Variants in MVB12B observed in about 807,000 individuals in gnomAD.
MVB12B encodes the protein ESCRT-I complex subunit MVB12B.
Under a neutral mutation model 41.6 loss-of-function variants are expected in MVB12B, and 16 were observed. The observed-to-expected ratio is 0.38, with a 90% CI of 0.26 to 0.58. MVB12B has a LOEUF of 0.58. Ranked by LOEUF, MVB12B falls within the 20% of genes least tolerant of loss-of-function variation. The probability of loss-of-function intolerance (pLI) is 0.62; values close to 1 mark genes in which losing one functional copy is unlikely to be tolerated. For missense variants in MVB12B, 274 were observed against 380.2 expected (o/e 0.72, Z 2.32); for synonymous variants, 133 against 139.7 (o/e 0.95, Z 0.34).
chr9:126,487,334 C>T (rs1196963459), intron 9 of MVB12B, among the ~76,000 whole-genome samples: 7 of 152,208 alleles, frequency 4.6e-5, no homozygotes, highest in Non-Finnish European at 1.0e-4. Context: ...TCTCCTTGTC[C>T]ACAGAGAAGG....
At chr9:126,429,954 C>A (rs917272194) in intron 7 of MVB12B, among the ~76,000 whole-genome samples, 2 of 152,188 alleles carry the variant, frequency 1.3e-5, no homozygotes, top group Non-Finnish European at 2.9e-5. Flanking sequence ...AGGTCCTCTG[C>A]AGCTGAGTGT....
intron 9 of MVB12B, among the ~76,000 whole-genome samples, chr9:126,489,710 TC>T (rs1222535785): frequency 3.3e-5 from 5 of 152,324 alleles, no homozygotes; most frequent in African/African-American, 1.2e-4. Context: ...CTGGCCATCT[TC>T]CAGCAGCCAT....
chr9:126,489,121 C>G (rs1833680270), intron 9 of MVB12B, among the ~76,000 whole-genome samples: 1 of 152,192 alleles, frequency 6.6e-6, no homozygotes, highest in Admixed American at 6.5e-5. Context: ...GCTCCTGGGC[C>G]CGGACAGCCA....
At chr9:126,477,751 C>T (rs1479956831) in intron 7 of MVB12B, among the ~76,000 whole-genome samples, 11 of 152,174 alleles carry the variant, frequency 7.2e-5, no homozygotes, top group South Asian at 2.1e-4. Context: ...GATATTTGGG[C>T]GGGGACATAG....
At chr9:126,462,399 G>A (rs565702062) in intron 7 of MVB12B, among the ~76,000 whole-genome samples, 6 of 152,210 alleles carry the variant, frequency 3.9e-5, no homozygotes, top group Admixed American at 2.6e-4. Flanking sequence ...CCCTGGCAGC[G>A]GCCATTCCAA....
At chr9:126,484,147 C>T (rs991275716) in intron 9 of MVB12B, 115 bp downstream of exon 9, 8 of 946,016 alleles carry the variant, frequency 8.5e-6, no homozygotes, top group Admixed American at 2.3e-5. Context: ...GGAGGTGTTC[C>T]GTTCTCTTCT....
chr9:126,377,036 C>T lies in MVB12B; in HGVS notation c.205-4028C>T, dbSNP rs752688348. 6.6e-5 allele frequency among the ~76,000 whole-genome samples: 10 copies of T among 152,080 alleles called. No individual in the cohort carries two copies. The South Asian group carries it at 1.5e-3, about 22-fold the overall frequency. ...CACACTTGCTAAATCCCTTGCCCTC[C>T]GCCTTCTGCAGTGCCAGGCCTTTGT... On this transcript the variant is annotated intron_variant, in intron 2 of 9. Coordinates refer to ENST00000361171, the MANE Select transcript of MVB12B (RefSeq NM_033446.3).
chr9:126,369,924 A>G (rs921792663), intron 2 of MVB12B, among the ~76,000 whole-genome samples: 6 of 152,064 alleles, frequency 3.9e-5, no homozygotes, highest in African/African-American at 1.4e-4. Context: ...AAGTGCTGGG[A>G]TTACAGGTGT....
intron 6 of MVB12B, chr9:126,396,921 GT>G: frequency 1.0e-6 from 1 of 985,544 alleles, no homozygotes; most frequent in African/African-American, 1.7e-5. Context: ...ATCAGCACTT[GT>G]TCCTCACTTC....
chr9:126,421,788 C>A, intron 6 of MVB12B, 66 bp from the exon 7 acceptor site: 1 of 1,230,370 alleles, frequency 8.1e-7, no homozygotes, highest in Non-Finnish European at 1.2e-6. Flanking sequence ...TTGATGGCGT[C>A]AGTGCTTCCT....
At chr9:126,331,898 CG>C (rs1829141164) in intron 1 of MVB12B, among the ~76,000 whole-genome samples, 1 of 152,200 alleles carries the variant, frequency 6.6e-6, no homozygotes, top group Non-Finnish European at 1.5e-5. Context: ...GAAGTATGAA[CG>C]GAAGGCCTGG....
chr9:126,366,577 T>G (rs1332225873), intron 2 of MVB12B, among the ~76,000 whole-genome samples: 2 of 152,244 alleles, frequency 1.3e-5, no homozygotes, highest in East Asian at 3.9e-4. Context: ...CATATTTTCT[T>G]ATTGTATTTT....
At chr9:126,411,022 G>A (rs1322203538) in intron 6 of MVB12B, among the ~76,000 whole-genome samples, 2 of 151,748 alleles carry the variant, frequency 1.3e-5, no homozygotes, top group East Asian at 1.9e-4. Context: ...TGAGTAGCTG[G>A]GATTACAGGC....
chr9:126,478,221 C>T lies in MVB12B; in HGVS notation c.758-3148C>T, dbSNP rs928674949. 4.6e-5 allele frequency among the ~76,000 whole-genome samples: 7 copies of T among 152,178 alleles called. No individual in the cohort carries two copies. The highest frequency in any genetic ancestry group is 1.2e-4 in the African/African-American group (5 of 41,430). ...CTTCCTAGTTCCTAGAAGTGATTCCCAGGCTTCTTCCATCCATGGCTTTCA... is the reference window on the plus strand; with the variant it reads ...CTTCCTAGTTCCTAGAAGTGATTCCTAGGCTTCTTCCATCCATGGCTTTCA... On this transcript the variant is annotated intron_variant, in intron 7 of 9. Coordinates refer to ENST00000361171, the MANE Select transcript of MVB12B (RefSeq NM_033446.3). The surrounding 1 kb of genome is among the most constrained non-coding windows in gnomAD (Gnocchi z 4.2).
chr9:126,493,403 A>G (rs1402258841), intron 9 of MVB12B, among the ~76,000 whole-genome samples: 2 of 152,098 alleles, frequency 1.3e-5, no homozygotes, highest in South Asian at 2.1e-4. Flanking sequence ...CTGTTATTCT[A>G]TTTTTATATT....
At chr9:126,353,268 G>A (rs948766224) in intron 2 of MVB12B, among the ~76,000 whole-genome samples, 1 of 152,184 alleles carries the variant, frequency 6.6e-6, no homozygotes, top group Admixed American at 6.5e-5. Flanking sequence ...TGTTTTAATA[G>A]TGCAAGTATT....
At position 126,506,720 on chromosome 9, in the gene MVB12B, C is replaced by A. The variant is rs775143315; in HGVS notation, c.*3457C>A. The A allele has an allele frequency of 6.6e-6, 1 of 152,260 alleles. No homozygotes were observed. Among genetic ancestry groups the A allele is most frequent in the Non-Finnish European group, 1.5e-5 (1 of 68,062 alleles). The allele number at this position is 152,260 out of a possible 1,614,324, so 9.4% of individuals were successfully genotyped here. Reference sequence around the variant, plus strand: ...AACTTGGTTCGCAGCCTGCCTTGCCCCTGGAGGCCACGCCAGGCGCTCACC... The same window carrying A: ...AACTTGGTTCGCAGCCTGCCTTGCCACTGGAGGCCACGCCAGGCGCTCACC... On this transcript the variant is annotated 3_prime_UTR_variant, in exon 10 of 10. Coordinates refer to ENST00000361171, the MANE Select transcript of MVB12B (RefSeq NM_033446.3).
intron 8 of MVB12B, 49 bp from the exon 9 acceptor site, chr9:126,483,924 A>G: frequency 6.3e-7 from 1 of 1,590,740 alleles, no homozygotes; most frequent in African/African-American, 1.3e-5. Flanking sequence ...TAAGTGTGGG[A>G]GGAGCATTTT....
chr9:126,410,790 G>A (rs561513935), intron 6 of MVB12B, among the ~76,000 whole-genome samples: 2 of 152,162 alleles, frequency 1.3e-5, no homozygotes, highest in East Asian at 3.9e-4. Context: ...TTTTGCAGGT[G>A]GGACCATGGC....
Sources: allele counts gnomAD v4.1 joint callset (sites outside exome capture counted in the v4.1 genomes callset), GRCh38; gene constraint gnomAD v4.1.1; non-coding constraint Gnocchi (gnomAD v3.1); transcripts MANE v1.5; gene names NCBI Gene and HGNC (gene_info 2026-07-23, HGNC 2026-07-21).